The following ZNF423 variants were observed in gnomAD, a reference collection of about 807,000 sequenced individuals.
ZNF423 encodes zinc finger protein 423.
In ZNF423, 12 loss-of-function variants were observed where a neutral mutation model predicts 95.8. The observed-to-expected ratio is 0.13, with a 90% CI of 0.08 to 0.20. ZNF423 has a LOEUF of 0.20. ZNF423 is among the 10% of genes least tolerant of loss of function. The pLI is 1.00. For synonymous variants in ZNF423, 749 were observed against 711.9 expected (o/e 1.05, Z -0.83); for missense variants, 1,316 against 1,737.1 (o/e 0.76, Z 4.31).
intron 5 of ZNF423, among the ~76,000 whole-genome samples, chr16:49,581,288 T>C (rs1316627267): frequency 6.6e-6 from 1 of 152,234 alleles, no homozygotes; most frequent in African/African-American, 2.4e-5. Context: ...CAAACAATTA[T>C]GTGCTATCCG....
intron 5 of ZNF423, among the ~76,000 whole-genome samples, chr16:49,570,670 G>A (rs1970327397): frequency 2.0e-5 from 3 of 152,206 alleles, no homozygotes; most frequent in Admixed American, 1.3e-4. Flanking sequence ...ATAATATTTG[G>A]CAACTTGGCC....
At chr16:49,677,302 A>AAGGGAAGG (rs1567284087) in intron 3 of ZNF423, among the ~76,000 whole-genome samples, 6 of 75,070 alleles carry the variant, frequency 8.0e-5, no homozygotes, top group Non-Finnish European at 1.4e-4. Context: ...AGAAGAGAAG[A>AAGGGAAGG]GAAGAGAAAG....
chr16:49,601,065 T>A (rs750923531), intron 5 of ZNF423, among the ~76,000 whole-genome samples: 1 of 152,078 alleles, frequency 6.6e-6, no homozygotes, highest in Non-Finnish European at 1.5e-5. Context: ...AATTTGGAGG[T>A]TGGAACAAAA....
At chr16:49,612,229 T>A (rs973075167) in intron 5 of ZNF423, among the ~76,000 whole-genome samples, 2 of 151,476 alleles carry the variant, frequency 1.3e-5, no homozygotes, top group Non-Finnish European at 2.9e-5. Context: ...GATACAAAAA[T>A]CCCTGACGAA....
At chr16:49,654,576 C>G (rs1361815542) in intron 3 of ZNF423, among the ~76,000 whole-genome samples, 2 of 152,248 alleles carry the variant, frequency 1.3e-5, no homozygotes, top group East Asian at 3.9e-4. Context: ...GAGGTGCCAT[C>G]ATGGGAGGCA....
intron 5 of ZNF423, among the ~76,000 whole-genome samples, chr16:49,587,586 G>A (rs1458281145): frequency 1.3e-5 from 2 of 152,112 alleles, no homozygotes; most frequent in Admixed American, 1.3e-4. Context: ...GGCTGTTGGG[G>A]TGGAACAGGA....
chr16:49,593,308 G>T (rs1971075514), intron 5 of ZNF423, among the ~76,000 whole-genome samples: 1 of 152,036 alleles, frequency 6.6e-6, no homozygotes, highest in Non-Finnish European at 1.5e-5. Context: ...GGTGGCACGT[G>T]CCTGTGGTCC....
intron 5 of ZNF423, among the ~76,000 whole-genome samples, chr16:49,542,472 A>T (rs1969287493): frequency 6.6e-6 from 1 of 152,208 alleles, no homozygotes; most frequent in South Asian, 2.1e-4. Flanking sequence ...AAAAGATGTG[A>T]GTCATCATCC....
chr16:49,705,709 G>A (rs2032326746), intron 3 of ZNF423, among the ~76,000 whole-genome samples: 1 of 152,086 alleles, frequency 6.6e-6, no homozygotes, highest in South Asian at 2.1e-4. Context: ...CACCACGCCA[G>A]GCTAATCTTT....
chr16:49,774,531 A>G (rs927169925), intron 2 of ZNF423, among the ~76,000 whole-genome samples: 17 of 152,160 alleles, frequency 1.1e-4, no homozygotes, highest in South Asian at 2.1e-4. Context: ...AGGTGTATGC[A>G]TGTGTGTGAG....
intron 5 of ZNF423, among the ~76,000 whole-genome samples, chr16:49,572,249 C>T (rs1970375787): frequency 6.6e-6 from 1 of 152,128 alleles, no homozygotes; most frequent in Non-Finnish European, 1.5e-5. Flanking sequence ...ACAATTCCCT[C>T]GGCAGAGGGA....
At chr16:49,691,383 T>C (rs1279099808) in intron 3 of ZNF423, among the ~76,000 whole-genome samples, 2 of 152,318 alleles carry the variant, frequency 1.3e-5, no homozygotes, top group Non-Finnish European at 2.9e-5. Context: ...CCTGGCTGGG[T>C]GATCGTGAGC....
At chr16:49,837,741 C>T (rs2035136174) in intron 1 of ZNF423, among the ~76,000 whole-genome samples, 2 of 152,228 alleles carry the variant, frequency 1.3e-5, no homozygotes, top group Admixed American at 1.3e-4. Context: ...CTTCTCCCTC[C>T]TTCCCCACAT....
chr16:49,641,166 C>T (rs528050602), intron 3 of ZNF423, among the ~76,000 whole-genome samples: 139 of 152,306 alleles, frequency 9.1e-4, no homozygotes, highest in East Asian at 4.8e-3. Flanking sequence ...ACTGGACAGA[C>T]GAGGAAACTG....
At chr16:49,758,287 C>T (rs2033765635) in intron 2 of ZNF423, among the ~76,000 whole-genome samples, 1 of 152,068 alleles carries the variant, frequency 6.6e-6, no homozygotes, top group African/African-American at 2.4e-5. Context: ...TATAGGCACC[C>T]GCCACCATGC....
At chr16:49,526,444 C>T (rs970828107) in intron 5 of ZNF423, among the ~76,000 whole-genome samples, 1 of 152,154 alleles carries the variant, frequency 6.6e-6, no homozygotes, top group African/African-American at 2.4e-5. Context: ...TGAGCACCAG[C>T]CTTGCCAATG....
rs189304289 is a variant in ZNF423, at chr16:49,758,248, C to A, written c.101-27277G>T. 2.3e-4 allele frequency among the ~76,000 whole-genome samples: 35 copies of A among 152,320 alleles called. 1 individual carries two copies. The East Asian group carries it at 5.8e-3, about 25-fold the overall frequency. On this transcript the variant is annotated intron_variant, in intron 2 of 7. Transcript: ENST00000563137. Reference sequence around the variant, plus strand: ...CCGCCTCCTGGGTTCATGCGATTCTCCTGCCTCGGCCTCCCGAGTAGCTGG... The same window carrying A: ...CCGCCTCCTGGGTTCATGCGATTCTACTGCCTCGGCCTCCCGAGTAGCTGG...
chr16:49,615,161 C>CACACACACACAT (rs1363843173), intron 5 of ZNF423, among the ~76,000 whole-genome samples: 1 of 151,754 alleles, frequency 6.6e-6, no homozygotes, highest in African/African-American at 2.4e-5. Context: ...CACACACACA[C>CACACACACACAT]ACACGGGGCA....
At chr16:49,547,989 G>A (rs1203404667) in intron 5 of ZNF423, among the ~76,000 whole-genome samples, 4 of 152,236 alleles carry the variant, frequency 2.6e-5, no homozygotes, top group African/African-American at 7.2e-5. Context: ...GAAATGAATC[G>A]ATTTGAATTT....
Sources: gnomAD v4.1 joint callset for allele counts (sites outside exome capture counted in the v4.1 genomes callset) on GRCh38, gnomAD v4.1.1 for gene constraint, MANE v1.5 for transcripts, NCBI Gene and HGNC (gene_info 2026-07-23, HGNC 2026-07-21) for gene names.